Variants in CXADR observed in about 807,000 individuals in gnomAD.
CXADR encodes the protein coxsackievirus and adenovirus receptor.
In CXADR, 20 loss-of-function variants were observed where a neutral mutation model predicts 40.3. The ratio of observed to expected loss-of-function variants is 0.50; its 90% CI spans 0.35 to 0.72. CXADR has a LOEUF of 0.72. CXADR is among the 30% of genes least tolerant of loss of function. The pLI, the probability that CXADR is intolerant of heterozygous loss-of-function variation, is 0.01. For synonymous variants in CXADR, 150 were observed against 161.3 expected, an observed-to-expected ratio of 0.93 and a Z score of 0.53; for missense variants, 332 against 449.1, an observed-to-expected ratio of 0.74 and a Z score of 2.36.
intron 1 of CXADR, among the ~76,000 whole-genome samples, chr21:17,534,060 C>CACACGTATATATAGCTA (rs2060716305): frequency 2.1e-5 from 1 of 47,144 alleles, no homozygotes; most frequent in Non-Finnish European, 4.9e-5. Flanking sequence ...ATATATATAG[C>CACACGTATATATAGCTA]TATATATATA....
At chr21:17,579,663 G>A (rs979982512) in intron 7 of CXADR, among the ~76,000 whole-genome samples, 1 of 152,178 alleles carries the variant, frequency 6.6e-6, no homozygotes, top group African/African-American at 2.4e-5. Context: ...TAAGAAGACA[G>A]AAAAGAGATG....
chr21:17,517,617 G>A (rs2060477134), intron 1 of CXADR, among the ~76,000 whole-genome samples: 1 of 152,170 alleles, frequency 6.6e-6, no homozygotes, highest in Non-Finnish European at 1.5e-5. Context: ...AAATTATTTA[G>A]CAAGCACATG....
chr21:17,547,792 A>C (rs2060917616), intron 2 of CXADR, among the ~76,000 whole-genome samples: 1 of 152,120 alleles, frequency 6.6e-6, no homozygotes, highest in African/African-American at 2.4e-5. Context: ...AAAACTTCCC[A>C]GTGTAAAAAT....
At chr21:17,605,106 A>G in the CXADR span, 2 of 1,242,722 alleles carry the variant, frequency 1.6e-6, no homozygotes, top group Non-Finnish European at 1.1e-6. Context: ...ATAAAAAAAT[A>G]CCCTGGTAGA....
At position 17,567,050 on chromosome 21, in the gene CXADR, G is replaced by A. The variant is rs1601035056; in HGVS notation, c.*1358G>A. The A allele has an allele frequency of 4.1e-6, 4 of 983,388 alleles. No individual in the cohort carries two copies. The highest frequency in any genetic ancestry group is 4.8e-6 in the Non-Finnish European group (4 of 828,318). The allele number at this position is 983,388 out of a possible 1,614,324, so 60.9% of individuals were successfully genotyped here. A position where few individuals can be genotyped will look rare whatever the true frequency, so the allele number is the denominator to read the frequency against. On this transcript the variant is annotated 3_prime_UTR_variant, in exon 7 of 7. Transcript: ENST00000284878. ...AATATCATTTTAGGAGAAGAAAGTG[G>A]GTTTATTGTATTTCCCTTAAGATTG...
chr21:17,617,301 TTGTTGTTG>T, the CXADR span, among the ~76,000 whole-genome samples: 2 of 77,094 alleles, frequency 2.6e-5, no homozygotes, highest in Admixed American at 1.1e-4. Flanking sequence ...GGTGCCATTA[TTGTTGTTG>T]TTGTTGTTGT....
At chr21:17,620,513 G>A in the CXADR span, among the ~76,000 whole-genome samples, 1,796 of 152,280 alleles carry the variant, frequency 0.012, 35 homozygotes, top group African/African-American at 0.041. Flanking sequence ...AAAGTTTGAA[G>A]TATTGTGAGA....
intron 1 of CXADR, among the ~76,000 whole-genome samples, chr21:17,516,091 G>A (rs1284404319): frequency 2.0e-5 from 3 of 152,120 alleles, no homozygotes; most frequent in Non-Finnish European, 4.4e-5. Flanking sequence ...TTAAACCCTT[G>A]ATCAGTTATG....
chr21:17,513,157 C>A lies in CXADR; in HGVS notation c.28C>A (p.Leu10Met). 2 of 1,367,196 alleles carry A rather than the reference C, an allele frequency of 1.5e-6. No homozygotes were observed. Among genetic ancestry groups the A allele is most frequent in the African/African-American group, 1.5e-5 (1 of 65,832 alleles). The allele number at this position is 1,367,196 out of a possible 1,614,324, so 84.7% of individuals were successfully genotyped here. A position where few individuals can be genotyped will look rare whatever the true frequency, so the allele number is the denominator to read the frequency against. The change falls in exon 1 of 7, where the codon CTG (leucine) becomes ATG (methionine). Residue 10 changes from leucine to methionine, a missense_variant. By Grantham distance (15) the Leu-to-Met change is conservative. This residue lies in a region of CXADR where 162 missense variants were observed against 198.5 expected (regional missense o/e 0.82). Transcript: ENST00000284878. MALLLCFVL[L>M]CGVVDFARSL... ...GGCGCTCCTGCTGTGCTTCGTGCTC[C>A]TGTGCGGAGTAGTGGGTGAGTAGGG...
At position 17,569,756 on chromosome 21, in the gene CXADR, A is replaced by G; in HGVS notation, c.*4064A>G. 2.0e-6 allele frequency: 2 copies of G among 984,184 alleles called. No homozygotes were observed. The highest frequency in any genetic ancestry group is 2.4e-6 in the Non-Finnish European group (2 of 828,808). 61.0% of individuals were successfully genotyped at this position (984,184 alleles called of 1,614,324 possible). Reference sequence around the variant, plus strand: ...ATATCAGTTGGGTTTGGTTTTGGTCATCGAGACTAAAAGCTCCATCAAAAC... The same window carrying G: ...ATATCAGTTGGGTTTGGTTTTGGTCGTCGAGACTAAAAGCTCCATCAAAAC... On this transcript the variant is annotated 3_prime_UTR_variant, in exon 7 of 7. Transcript: ENST00000284878.
chr21:17,563,182 A>C (rs2061147700), intron 6 of CXADR, among the ~76,000 whole-genome samples: 1 of 152,204 alleles, frequency 6.6e-6, no homozygotes, highest in Non-Finnish European at 1.5e-5. Flanking sequence ...TTTGATTTAA[A>C]GAGAGCCTTG....
chr21:17,621,751 C>T, the CXADR span, among the ~76,000 whole-genome samples: 1 of 152,312 alleles, frequency 6.6e-6, no homozygotes, highest in Admixed American at 6.5e-5. Context: ...CTGCTGGCAA[C>T]TTGATCTTGG....
chr21:17,635,840 T>C, the CXADR span, among the ~76,000 whole-genome samples: 1 of 152,248 alleles, frequency 6.6e-6, no homozygotes, highest in African/African-American at 2.4e-5. Flanking sequence ...GGCTGGGATT[T>C]CTATTAGAAT....
chr21:17,597,538 C>A (rs891920746), downstream of CXADR, among the ~76,000 whole-genome samples: 9 of 151,872 alleles, frequency 5.9e-5, no homozygotes, highest in Admixed American at 5.9e-4. Flanking sequence ...TGTGGAAATG[C>A]ATAGGGACTG....
intron 7 of CXADR, among the ~76,000 whole-genome samples, chr21:17,591,949 A>G (rs564345614): frequency 2.6e-5 from 4 of 152,108 alleles, no homozygotes; most frequent in East Asian, 1.9e-4. Flanking sequence ...TGGAAAAGCC[A>G]TATTTATGAG....
the CXADR span, among the ~76,000 whole-genome samples, chr21:17,619,596 C>CA: frequency 0.49 from 65,307 of 134,294 alleles, 15,786 homozygotes; most frequent in African/African-American, 0.64. Context: ...GGCTCTGTTT[C>CA]AAAAAAAAAA....
At chr21:17,530,109 A>G (rs1260805012) in intron 1 of CXADR, among the ~76,000 whole-genome samples, 1 of 100,092 alleles carries the variant, frequency 1.0e-5, no homozygotes, top group Admixed American at 1.3e-4. Context: ...CCACCATGCC[A>G]GGCTATTTTT....
downstream of CXADR, among the ~76,000 whole-genome samples, chr21:17,570,574 A>G (rs117583454): frequency 3.5e-3 from 527 of 152,264 alleles, 16 homozygotes; most frequent in East Asian, 0.076. Context: ...CCTCTTTCAT[A>G]AGGCCATTAA....
the CXADR span, chr21:17,605,140 A>C: frequency 1.1e-6 from 1 of 936,134 alleles, no homozygotes; most frequent in Non-Finnish European, 1.5e-6. Flanking sequence ...TATCTATCCT[A>C]AACAGATAAT....
Sources: gnomAD v4.1 joint callset for allele counts (sites outside exome capture counted in the v4.1 genomes callset) on GRCh38, gnomAD v4.1.1 for gene constraint, gnomAD v4.1.1 regional missense constraint, MANE v1.5 for transcripts, NCBI Gene and HGNC (gene_info 2026-07-23, HGNC 2026-07-21) for gene names.